Variants in ANKUB1 observed in about 807,000 individuals in gnomAD.
The protein encoded by ANKUB1 is ankyrin repeat and ubiquitin domain containing 1, also known as protein ANKUB1.
A neutral mutation model predicts 49.3 loss-of-function variants in ANKUB1; 42 were observed. The ratio of observed to expected loss-of-function variants is 0.85; its 90% confidence interval spans 0.67 to 1.10. The LOEUF (loss-of-function observed/expected upper bound fraction) is 1.10. Ranked by LOEUF, ANKUB1 falls within the 50% of genes least tolerant of loss-of-function variation. The probability of loss-of-function intolerance (pLI) is 0.00; values close to 1 mark genes in which losing one functional copy is unlikely to be tolerated. For missense variants in ANKUB1, 613 were observed against 642.0 expected, an observed-to-expected ratio of 0.95 and a Z score of 0.49; for synonymous variants, 222 against 231.0, an observed-to-expected ratio of 0.96 and a Z score of 0.35.
Position 149,776,960 on chromosome 3 carries a change from G to A in ANKUB1, c.451+3279C>T, listed in dbSNP as rs374191924. 3.7e-4 allele frequency among the ~76,000 whole-genome samples: 51 copies of A among 137,968 alleles called. No individual in the cohort carries two copies. In the East Asian group the frequency reaches 7.2e-3, roughly 20 times the overall value. 90.5% of individuals were successfully genotyped at this position (137,968 alleles called of 152,430 possible). A position where few individuals can be genotyped will look rare whatever the true frequency, so the allele number is the denominator to read the frequency against. ...CCACTGCATTCCAGCCTGGGTGATG[G>A]AGTGAGACCCTGTCTCAAAAAAAAA... On this transcript the variant is annotated intron_variant, in intron 3 of 5. Coordinates refer to ENST00000446160, the MANE Select transcript of ANKUB1 (RefSeq NM_001144960.3).
chr3:149,776,802 A>T (rs886519958), intron 3 of ANKUB1, among the ~76,000 whole-genome samples: 4 of 121,018 alleles, frequency 3.3e-5, no homozygotes, highest in Non-Finnish European at 6.8e-5. Context: ...CTCTATAAAA[A>T]ATACACACAC....
intron 5 of ANKUB1, among the ~76,000 whole-genome samples, chr3:149,763,429 T>G (rs1716858841): frequency 6.6e-6 from 1 of 152,224 alleles, no homozygotes; most frequent in Non-Finnish European, 1.5e-5. Context: ...AGCACTATTC[T>G]ATGTGCTGGA....
intron 5 of ANKUB1, among the ~76,000 whole-genome samples, chr3:149,765,836 A>G (rs997065499): frequency 1.3e-5 from 2 of 152,220 alleles, no homozygotes; most frequent in African/African-American, 2.4e-5. Context: ...CACAAATTAC[A>G]AAGATTGAGA....
chr3:149,786,713 A>G (rs1329526089), intron 2 of ANKUB1, among the ~76,000 whole-genome samples: 1 of 152,172 alleles, frequency 6.6e-6, no homozygotes, highest in Non-Finnish European at 1.5e-5. Context: ...TTATGGTTTT[A>G]GGTCTAACAT....
intron 4 of ANKUB1, among the ~76,000 whole-genome samples, chr3:149,770,311 G>T (rs1017438617): frequency 1.3e-5 from 2 of 152,106 alleles, no homozygotes; most frequent in South Asian, 2.1e-4. Context: ...ATTGTTCAAA[G>T]GTTAATTGTA....
chr3:149,773,192 C>A (rs1266398121), intron 3 of ANKUB1, among the ~76,000 whole-genome samples: 4 of 152,078 alleles, frequency 2.6e-5, no homozygotes, highest in Non-Finnish European at 5.9e-5. Context: ...CCTCTGTACA[C>A]GAACACGACA....
rs1285931317 is a variant in ANKUB1 at position 149,767,652 on chromosome 3, C to T, written c.1010G>A (p.Arg337Lys). The T allele has an allele frequency of 6.4e-7, 1 of 1,551,684 alleles. No individual in the cohort carries two copies. The highest frequency in any genetic ancestry group is 2.4e-5 in the East Asian group (1 of 40,922). ...GTCTCCAACTTTTGCCCCAAAGACC[C>T]TTGCTCCACAAAACTGGCTTTTATG... Reference protein sequence around the residue: ...SLHKSQFCGARVFGAKVGDTV... With the variant: ...SLHKSQFCGAKVFGAKVGDTV... Residue 337 changes from arginine (R) to lysine (K), a missense_variant, in exon 5 of 6, where the codon AGG (arginine) becomes AAG (lysine). Transcript: ENST00000446160.
chr3:149,791,073 A>C, intron 1 of ANKUB1, 149 bp from the exon 2 acceptor site: 1 of 681,580 alleles, frequency 1.5e-6, no homozygotes, highest in South Asian at 2.9e-5. Context: ...TTCTTAACTT[A>C]GAGAACTTCC....
intron 2 of ANKUB1, chr3:149,783,741 T>G (rs1717966138): frequency 6.6e-6 from 1 of 152,224 alleles, no homozygotes; most frequent in South Asian, 2.1e-4. Context: ...AATATTTGTT[T>G]TTGTTGAACC....
At chr3:149,764,644 T>C (rs978830281) in intron 5 of ANKUB1, among the ~76,000 whole-genome samples, 52 of 71,812 alleles carry the variant, frequency 7.2e-4, no homozygotes, top group Non-Finnish European at 1.2e-3. Context: ...TCCTCTCTCT[T>C]TCTTTCTTTC....
rs376978870 is a variant in ANKUB1 at position 149,784,982 on chromosome 3, C to A, written c.235-4527G>T. Among the ~76,000 whole-genome samples the A allele has an allele frequency of 1.0e-3, 154 of 152,158 alleles. 1 individual carries two copies. The East Asian group carries it at 0.013, about 13-fold the overall frequency. ...CTAAGCACTGGGTGAAAACAGTGGA[C>A]AAAACTTAAGCAATCGTTTCCATGA... On this transcript the variant is annotated intron_variant, in intron 2 of 5. Coordinates refer to ENST00000446160, the MANE Select transcript of ANKUB1 (RefSeq NM_001144960.3).
At chr3:149,779,158 C>T (rs1717736591) in intron 3 of ANKUB1, 1 of 151,212 alleles carries the variant, frequency 6.6e-6, no homozygotes, top group African/African-American at 2.4e-5. Context: ...CTACTGCAGA[C>T]GTGACCTGGA....
At chr3:149,771,193 G>T (rs1318609829) in intron 3 of ANKUB1, among the ~76,000 whole-genome samples, 1 of 152,202 alleles carries the variant, frequency 6.6e-6, no homozygotes, top group Admixed American at 6.5e-5. Context: ...CTTATCACTT[G>T]CTTCTCCAAA....
chr3:149,768,141 A>G, intron 4 of ANKUB1, 46 bp from the exon 5 acceptor site: 3 of 1,245,372 alleles, frequency 2.4e-6, no homozygotes, highest in Middle Eastern at 4.1e-4. Context: ...GAAAATCAGC[A>G]AACAGACAAA....
At chr3:149,763,605 C>T (rs1716865202) in intron 5 of ANKUB1, among the ~76,000 whole-genome samples, 1 of 152,196 alleles carries the variant, frequency 6.6e-6, no homozygotes, top group Non-Finnish European at 1.5e-5. Flanking sequence ...GGATCAATCC[C>T]TTACATTTGA....
chr3:149,777,556 C>T (rs1717659476), intron 3 of ANKUB1, among the ~76,000 whole-genome samples: 1 of 152,218 alleles, frequency 6.6e-6, no homozygotes, highest in African/African-American at 2.4e-5. Context: ...CACAGCAAGG[C>T]TGAGCTCTGT....
intron 3 of ANKUB1, among the ~76,000 whole-genome samples, chr3:149,773,633 A>T (rs2108269241): frequency 6.6e-6 from 1 of 152,322 alleles, no homozygotes; most frequent in Non-Finnish European, 1.5e-5. Context: ...ATTCTCATGC[A>T]CTGGAAACAA....
In ANKUB1 at chr3:149,767,561, G is replaced by A; in HGVS notation, c.1101C>T (p.Asn367=). The A allele has an allele frequency of 6.4e-7, 1 of 1,551,686 alleles. No individual in the cohort carries two copies. The highest frequency in any genetic ancestry group is 8.7e-7 in the Non-Finnish European group (1 of 1,146,986). ...MTSKSWHKAG[N]SDSQSIVLKL... ...TGAGCACGATGCTTTGTGAGTCGCT[G>A]TTCCCAGCCTTATGCCAGCTCTTGG... Residue 367 remains asparagine (N), a synonymous_variant, in exon 5 of 6, where the codon AAC becomes AAT. Coordinates refer to ENST00000446160, the MANE Select transcript of ANKUB1 (RefSeq NM_001144960.3).
In ANKUB1 at chr3:149,767,497, G is replaced by C; in HGVS notation, c.1165C>G (p.Pro389Ala). The C allele has an allele frequency of 6.4e-7, 1 of 1,551,700 alleles. No individual in the cohort carries two copies. Among genetic ancestry groups the C allele is most frequent in the Non-Finnish European group, 8.7e-7 (1 of 1,147,002 alleles). The change falls in exon 5 of 6, where the codon CCT becomes GCT. Residue 389 changes from proline to alanine, a missense_variant. Transcript: ENST00000446160. ...SLSKQTASSK[P>A]VNPLAISQPD... ...TGTGAAATTGCCAAAGGATTGACAGGTTTGCTGCTTGCAGTTTGTTTGCTG... is the reference window on the plus strand; with the variant it reads ...TGTGAAATTGCCAAAGGATTGACAGCTTTGCTGCTTGCAGTTTGTTTGCTG...
Sources: allele counts gnomAD v4.1 joint callset (sites outside exome capture counted in the v4.1 genomes callset), GRCh38; gene constraint gnomAD v4.1.1; transcripts MANE v1.5; gene names NCBI Gene and HGNC (gene_info 2026-07-23, HGNC 2026-07-21).